Variants in ITGA1 observed in about 807,000 individuals in gnomAD.
The protein encoded by ITGA1 is integrin subunit alpha 1, also known as integrin alpha-1.
Under a neutral mutation model 145.9 loss-of-function variants are expected in ITGA1, and 85 were observed. The observed-to-expected ratio is 0.58, with a 90% CI of 0.49 to 0.70. The LOEUF is 0.70. Among genes scored for constraint, ITGA1 ranks in the 30% least tolerant of loss-of-function variants. The pLI is 0.00. For missense variants in ITGA1, 1,351 were observed against 1,418.7 expected (o/e 0.95, Z 0.77); for synonymous variants, 520 against 495.3 (o/e 1.05, Z -0.66).
intron 12 of ITGA1, 38 bp from the exon 13 acceptor site, chr5:52,908,860 T>G (rs1750451919): frequency 6.2e-7 from 1 of 1,603,812 alleles, no homozygotes; most frequent in South Asian, 1.1e-5. Context: ...AGAATTTCTG[T>G]TGTTCATTGG....
At chr5:52,918,025 T>A (rs2452868) in intron 15 of ITGA1, among the ~76,000 whole-genome samples, 123,765 of 152,068 alleles carry the variant, frequency 0.81, 50,682 homozygotes, top group African/African-American at 0.88. Context: ...ATGACCTCAG[T>A]ATCCATATAT....
At chr5:52,898,418 T>C in intron 11 of ITGA1, 35 bp downstream of exon 11, 2 of 1,532,796 alleles carry the variant, frequency 1.3e-6, no homozygotes, top group Non-Finnish European at 8.8e-7. Flanking sequence ...AGAGTTGTTT[T>C]ACTTTTCCAT....
At chr5:52,803,229 A>C (rs1035121153) in intron 1 of ITGA1, 2 of 152,142 alleles carry the variant, frequency 1.3e-5, no homozygotes, top group African/African-American at 2.4e-5. Flanking sequence ...TTGGGAACTG[A>C]CACTTCCCTA....
chr5:52,788,340 A>G lies in ITGA1; in HGVS notation c.-14A>G. 6.7e-7 allele frequency: 1 copy of G among 1,500,150 alleles called. No individual in the cohort carries two copies. Among genetic ancestry groups the G allele is most frequent in the Non-Finnish European group, 8.8e-7 (1 of 1,130,086 alleles). 92.9% of individuals were successfully genotyped at this position (1,500,150 alleles called of 1,614,324 possible). On this transcript the variant is annotated 5_prime_UTR_variant, in exon 1 of 29. Coordinates refer to ENST00000282588, the MANE Select transcript of ITGA1 (RefSeq NM_181501.2). ...GAACCAGCGCGGCCCCCTGGCGCTGAGGCTGCTCCGGCCATGGCCCCTCGG... is the reference window on the plus strand; with the variant it reads ...GAACCAGCGCGGCCCCCTGGCGCTGGGGCTGCTCCGGCCATGGCCCCTCGG...
intron 28 of ITGA1, among the ~76,000 whole-genome samples, chr5:52,951,574 G>C (rs1375569860): frequency 6.6e-6 from 1 of 152,050 alleles, no homozygotes; most frequent in Non-Finnish European, 1.5e-5. Context: ...TTTTCAAGAG[G>C]CTTTTTATAT....
chr5:52,912,134 C>G (rs149371293), intron 14 of ITGA1, among the ~76,000 whole-genome samples: 1 of 134,320 alleles, frequency 7.4e-6, no homozygotes, highest in Non-Finnish European at 1.6e-5. Flanking sequence ...CTATATATAG[C>G]GTATCTAGTA....
intron 6 of ITGA1, among the ~76,000 whole-genome samples, chr5:52,868,804 T>G (rs577762078): frequency 6.6e-6 from 1 of 152,354 alleles, no homozygotes; most frequent in Non-Finnish European, 1.5e-5. Flanking sequence ...GGGAACCTGA[T>G]TTTTAAAGAG....
Position 52,915,556 on chromosome 5 carries a change from T to C in ITGA1, c.1950T>C (p.Asp650=), listed in dbSNP as rs1750631889. The C allele has an allele frequency of 2.5e-6, 4 of 1,613,988 alleles. No individual in the cohort carries two copies. The highest frequency in any genetic ancestry group is 2.5e-6 in the Non-Finnish European group (3 of 1,179,992). ...EMDLNGDGLT[D]VTIGGLGGAA... is the part of the protein sequence containing the mutation. ...ATTTAAATGGTGACGGTCTGACAGATGTGACTATTGGGGGCCTTGGTGGTG... is the reference window on the plus strand; with the variant it reads ...ATTTAAATGGTGACGGTCTGACAGACGTGACTATTGGGGGCCTTGGTGGTG... Residue 650 remains aspartate, a synonymous_variant, in exon 15 of 29, where the codon GAT becomes GAC. Transcript: ENST00000282588.
At chr5:52,859,430 AG>A in intron 2 of ITGA1, among the ~76,000 whole-genome samples, 1 of 152,314 alleles carries the variant, frequency 6.6e-6, no homozygotes, top group South Asian at 2.1e-4. Context: ...TATGTATTAA[AG>A]GGTTTGAGCA....
chr5:52,839,304 G>A (rs1437281465), intron 1 of ITGA1, among the ~76,000 whole-genome samples: 1 of 152,076 alleles, frequency 6.6e-6, no homozygotes, highest in East Asian at 1.9e-4. Flanking sequence ...ATACTTTGAG[G>A]TATATTTGAA....
At chr5:52,893,556 C>A in intron 8 of ITGA1, 119 bp from the exon 9 acceptor site, 1 of 789,374 alleles carries the variant, frequency 1.3e-6, no homozygotes, top group Non-Finnish European at 1.9e-6. Context: ...TATGAAAGTA[C>A]ATAAAAATTC....
intron 2 of ITGA1, among the ~76,000 whole-genome samples, chr5:52,850,303 G>C (rs983606047): frequency 3.9e-5 from 6 of 152,076 alleles, no homozygotes; most frequent in African/African-American, 1.4e-4. Flanking sequence ...CCTGGCCGTA[G>C]ATATGATTTT....
At chr5:52,788,455 G>T (rs1318314125) in intron 1 of ITGA1, 41 bp downstream of exon 1, 19 of 1,430,586 alleles carry the variant, frequency 1.3e-5, no homozygotes, top group East Asian at 3.0e-5. Flanking sequence ...CTGCTCGCGG[G>T]CTTGGGGCTT....
chr5:52,838,670 A>G (rs1403378378), intron 1 of ITGA1, among the ~76,000 whole-genome samples: 1 of 152,170 alleles, frequency 6.6e-6, no homozygotes, highest in Non-Finnish European at 1.5e-5. Flanking sequence ...GGTAGGCCTC[A>G]TTTTATGTTT....
chr5:52,925,956 A>G (rs1301705682), intron 19 of ITGA1, among the ~76,000 whole-genome samples: 1 of 152,160 alleles, frequency 6.6e-6, no homozygotes, highest in African/African-American at 2.4e-5. Flanking sequence ...TTTGTAACAG[A>G]GGTTTCTTTT....
At chr5:52,893,867 T>C (rs202061224) in intron 9 of ITGA1, 27 bp downstream of exon 9, 11 of 1,552,612 alleles carry the variant, frequency 7.1e-6, no homozygotes, top group Non-Finnish European at 9.7e-6. Context: ...TATTGCTGCA[T>C]GTTCTCTCTG....
chr5:52,885,333 T>C (rs536802628), intron 7 of ITGA1, among the ~76,000 whole-genome samples: 131 of 152,326 alleles, frequency 8.6e-4, no homozygotes, highest in African/African-American at 3.1e-3. Context: ...GGCCTGGTCC[T>C]TCTAGTGATC....
intron 3 of ITGA1, among the ~76,000 whole-genome samples, chr5:52,863,773 C>G (rs1749642725): frequency 6.6e-6 from 1 of 152,128 alleles, no homozygotes; most frequent in Non-Finnish European, 1.5e-5. Context: ...ACTGTAGTCC[C>G]TAATTGTCCC....
intron 1 of ITGA1, among the ~76,000 whole-genome samples, chr5:52,806,357 T>C (rs945152157): frequency 6.6e-6 from 1 of 151,856 alleles, no homozygotes; most frequent in Non-Finnish European, 1.5e-5. Context: ...AAATAAAACC[T>C]GTATTAGTAG....
Sources: allele counts gnomAD v4.1 joint callset (sites outside exome capture counted in the v4.1 genomes callset), GRCh38; gene constraint gnomAD v4.1.1; transcripts MANE v1.5; gene names NCBI Gene and HGNC (gene_info 2026-07-23, HGNC 2026-07-21).